NRXN2: variants seen among roughly 807,000 people sequenced by gnomAD.
NRXN2 encodes the protein neurexin 2.
NRXN2 carries 29 observed loss-of-function variants against 128.8 expected under a neutral mutation model. The observed-to-expected ratio is 0.23, with a 90% CI of 0.17 to 0.31. The LOEUF is 0.31. Ranked by LOEUF, NRXN2 falls within the 10% of genes least tolerant of loss-of-function variation. The pLI is 1.00. For missense variants in NRXN2, 1,881 were observed against 2,452.6 expected, an observed-to-expected ratio of 0.77 and a Z score of 4.92; for synonymous variants, 1,098 against 1,075.2, an observed-to-expected ratio of 1.02 and a Z score of -0.41.
chr11:64,690,457 G>T lies in NRXN2; in HGVS notation c.798C>A (p.Ser266=). The T allele has an allele frequency of 7.4e-6, 12 of 1,613,420 alleles. No homozygotes were observed. Among genetic ancestry groups the T allele is most frequent in the Non-Finnish European group, 1.0e-5 (12 of 1,179,864 alleles). The change falls in exon 5 of 23, where the codon TCC becomes TCA. Residue 266 remains serine, a synonymous_variant. Coordinates refer to ENST00000265459, the MANE Select transcript of NRXN2 (RefSeq NM_015080.4). ...CTCCTCCTCTCCCGGCCCCCCCCTC[G>T]GAGAACAGTAAGGACCCTACTGGAG... The part of the protein sequence containing the change: ...LNSEVGSLLF[S]EGGAGRGGAG...
At chr11:64,699,188 C>T (rs564289466) in intron 2 of NRXN2, among the ~76,000 whole-genome samples, 2 of 152,230 alleles carry the variant, frequency 1.3e-5, no homozygotes, top group East Asian at 3.9e-4. Context: ...ATGCAAGCAC[C>T]AATACCTACA....
intron 9 of NRXN2, among the ~76,000 whole-genome samples, chr11:64,662,834 A>T (rs1025411176): frequency 2.0e-5 from 3 of 152,056 alleles, no homozygotes; most frequent in Non-Finnish European, 4.4e-5. Flanking sequence ...AGTTGAGTTC[A>T]ATCTCTCTCC....
At chr11:64,654,947 G>A (rs2048032521) in intron 11 of NRXN2, among the ~76,000 whole-genome samples, 2 of 152,206 alleles carry the variant, frequency 1.3e-5, no homozygotes. Flanking sequence ...AGGATCCTGA[G>A]CAGGAAGTAG....
chr11:64,657,916 G>C (rs2048491904), intron 11 of NRXN2, among the ~76,000 whole-genome samples: 1 of 152,186 alleles, frequency 6.6e-6, no homozygotes, highest in Non-Finnish European at 1.5e-5. Context: ...GGAGAGTCCT[G>C]TTATCTGTCA....
chr11:64,661,037 C>G lies in NRXN2; in HGVS notation c.1901G>C (p.Gly634Ala), dbSNP rs768732796. The G allele has an allele frequency of 2.9e-5, 46 of 1,613,418 alleles. 2 individuals carry two copies. Among genetic ancestry groups the G allele is most frequent in the Non-Finnish European group, 3.6e-5 (42 of 1,180,022 alleles). Residue 634 changes from glycine to alanine, a missense_variant, in exon 10 of 23, where the codon GGG (glycine) becomes GCG (alanine). Gly to Ala is a moderately conservative substitution (Grantham distance 60). Around this residue, in one of 7 missense-constraint regions of NRXN2, gnomAD observed 997 missense variants for 1,240.8 expected, o/e 0.80. Coordinates refer to ENST00000265459, the MANE Select transcript of NRXN2 (RefSeq NM_015080.4). ...GGGCAGGGGCAGGTCCACCCGGCCC[C>G]CCTCAGGGAGACCGCCCAGGTACAG... Reference protein sequence around the residue: ...SELYLGGLPEGGRVDLPLPPE... With the variant: ...SELYLGGLPEAGRVDLPLPPE...
intron 1 of NRXN2, among the ~76,000 whole-genome samples, chr11:64,722,496 C>T (rs995131422): frequency 2.0e-5 from 3 of 151,896 alleles, no homozygotes; most frequent in South Asian, 2.1e-4. Context: ...AGCCCTTGGC[C>T]TGGCCCCTTT....
chr11:64,625,508 G>T (rs1431955894), intron 20 of NRXN2, among the ~76,000 whole-genome samples: 1 of 152,158 alleles, frequency 6.6e-6, no homozygotes, highest in Non-Finnish European at 1.5e-5. Flanking sequence ...CCACAGGCAT[G>T]GGGGGCTAGA....
intron 6 of NRXN2, among the ~76,000 whole-genome samples, chr11:64,685,164 C>T (rs997960370): frequency 6.6e-6 from 1 of 152,148 alleles, no homozygotes; most frequent in Non-Finnish European, 1.5e-5. Flanking sequence ...TTAACTCAGG[C>T]TTGCCTTCGT....
At chr11:64,617,181 T>C (rs948382906) in intron 22 of NRXN2, among the ~76,000 whole-genome samples, 1 of 152,082 alleles carries the variant, frequency 6.6e-6, no homozygotes, top group Non-Finnish European at 1.5e-5. Context: ...TGTGTATGTG[T>C]GTGTGTGGAA....
At chr11:64,652,654 C>G (rs2047634707) in intron 12 of NRXN2, among the ~76,000 whole-genome samples, 2 of 152,160 alleles carry the variant, frequency 1.3e-5, no homozygotes, top group Admixed American at 1.3e-4. Context: ...ACAGCTTCGG[C>G]CTCTGTTACA....
intron 1 of NRXN2, among the ~76,000 whole-genome samples, chr11:64,722,659 C>G (rs1182844343): frequency 1.3e-5 from 2 of 151,416 alleles, no homozygotes; most frequent in East Asian, 3.9e-4. Context: ...GGGGACCCCC[C>G]TTTAAGAACC....
In NRXN2 at chr11:64,648,921, G is replaced by A. The variant is rs1565292272; in HGVS notation, c.3110-14C>T. On this transcript the variant is annotated splice_polypyrimidine_tract_variant and intron_variant, in intron 15 of 22. Transcript: ENST00000265459. This position sits in a 1 kb window ranked among gnomAD's most constrained non-coding sequence, Gnocchi z 4.1. ...TGTACAACTCCCCTGCAAAGGGAGT[G>A]GGTCAACCAAGGCATCCAGGTCCCC... 1.9e-6 allele frequency: 3 copies of A among 1,613,976 alleles called. No homozygotes were observed. Among genetic ancestry groups the A allele is most frequent in the Non-Finnish European group, 1.7e-6 (2 of 1,179,868 alleles).
At chr11:64,618,325 T>TA (rs2041838697) in intron 22 of NRXN2, among the ~76,000 whole-genome samples, 1 of 152,192 alleles carries the variant, frequency 6.6e-6, no homozygotes, top group Non-Finnish European at 1.5e-5. Context: ...TGGCCCCAGA[T>TA]ACCCCTCTGC....
rs1189896244 is a variant in NRXN2 at position 64,685,660 on chromosome 11, G to C, written c.1138C>G (p.Arg380Gly). ...ACTCCTCCTACCTGGCGCAGGTTTC[G>C]GGTGACCCGGACGTCGTGCCAGGCG... ...DNAWHDVRVTRNLRQHAGIGH... is the reference protein window; with the variant it reads ...DNAWHDVRVTGNLRQHAGIGH... The change falls in exon 6 of 23, where the codon CGA (arginine) becomes GGA (glycine). Residue 380 changes from arginine (R) to glycine (G), a missense_variant. Transcript: ENST00000265459. The C allele has an allele frequency of 6.2e-7, 1 of 1,614,050 alleles. No homozygotes were observed. Among genetic ancestry groups the C allele is most frequent in the Non-Finnish European group, 8.5e-7 (1 of 1,180,054 alleles).
chr11:64,651,741 A>T lies in NRXN2; in HGVS notation c.2537-105T>A. 1.6e-6 allele frequency: 2 copies of T among 1,281,156 alleles called. No individual in the cohort carries two copies. Among genetic ancestry groups the T allele is most frequent in the Non-Finnish European group, 2.2e-6 (2 of 905,628 alleles). The allele number at this position is 1,281,156 out of a possible 1,614,324, so 79.4% of individuals were successfully genotyped here. Reference sequence around the variant, plus strand: ...CACAGGAGGGCCACCCATGAGTGACATCTTTAGAGATGTCCTCGGCTAGGC... The same window carrying T: ...CACAGGAGGGCCACCCATGAGTGACTTCTTTAGAGATGTCCTCGGCTAGGC... On this transcript the variant is annotated intron_variant, in intron 13 of 22. Transcript: ENST00000265459. The surrounding 1 kb of genome is among the most constrained non-coding windows in gnomAD (Gnocchi z 5.9).
chr11:64,669,433 G>A (rs886945409), intron 7 of NRXN2, among the ~76,000 whole-genome samples: 1 of 152,156 alleles, frequency 6.6e-6, no homozygotes, highest in African/African-American at 2.4e-5. Context: ...TTACTCCAGG[G>A]AGTCAGGGCC....
Position 64,656,230 on chromosome 11 carries a change from CCT to C in NRXN2, c.2390-2510_2390-2509del, listed in dbSNP as rs1373096856. Reference sequence around the variant, plus strand: ...TTCAGAGCTGGCTCCCAGCAGCCCCCCTGATAATTACTGATCAGCCTCAGGTG... The same window carrying C: ...TTCAGAGCTGGCTCCCAGCAGCCCCCGATAATTACTGATCAGCCTCAGGTG... On this transcript the variant is annotated intron_variant, in intron 11 of 22. Coordinates refer to ENST00000265459, the MANE Select transcript of NRXN2 (RefSeq NM_015080.4). 2.6e-5 allele frequency: 4 copies of C among 152,258 alleles called. No individual in the cohort carries two copies. In the East Asian group the frequency reaches 7.7e-4, roughly 29 times the overall value. The allele number at this position is 152,258 out of a possible 1,614,324, so 9.4% of individuals were successfully genotyped here.
chr11:64,660,663 G>A lies in NRXN2; in HGVS notation c.2185+90C>T. On this transcript the variant is annotated intron_variant, in intron 10 of 22. Transcript: ENST00000265459. The surrounding 1 kb of genome is among the most constrained non-coding windows in gnomAD (Gnocchi z 5.2). ...CTATGAGGGGTTCCCCTAGGAGGAGGTGGCACAGGGATGGAAAGTAGGAGT... is the reference window on the plus strand; with the variant it reads ...CTATGAGGGGTTCCCCTAGGAGGAGATGGCACAGGGATGGAAAGTAGGAGT... The A allele has an allele frequency of 6.3e-7, 1 of 1,594,232 alleles. No individual in the cohort carries two copies.
At position 64,632,624 on chromosome 11, in the gene NRXN2, G is replaced by A. The variant is rs889234155; in HGVS notation, c.3586-2051C>T. 2.0e-4 allele frequency among the ~76,000 whole-genome samples: 31 copies of A among 152,278 alleles called. No individual in the cohort carries two copies. Among genetic ancestry groups the A allele is most frequent in the Admixed American group, 1.6e-3 (25 of 15,298 alleles). ...CTGAGAGCCAGGCTGGCAGAGTGCCGGCCAGGGAGCTGGGAGGCAGGACAC... is the reference window on the plus strand; with the variant it reads ...CTGAGAGCCAGGCTGGCAGAGTGCCAGCCAGGGAGCTGGGAGGCAGGACAC... On this transcript the variant is annotated intron_variant, in intron 18 of 22. Coordinates refer to ENST00000265459, the MANE Select transcript of NRXN2 (RefSeq NM_015080.4). This position sits in a 1 kb window ranked among gnomAD's most constrained non-coding sequence, Gnocchi z 4.2.
Sources: gnomAD v4.1 joint callset for allele counts (sites outside exome capture counted in the v4.1 genomes callset) on GRCh38, gnomAD v4.1.1 for gene constraint, gnomAD v4.1.1 regional missense constraint, Gnocchi (gnomAD v3.1) non-coding constraint, MANE v1.5 for transcripts, NCBI Gene and HGNC (gene_info 2026-07-23, HGNC 2026-07-21) for gene names.